The following PPARGC1A variants were observed in gnomAD, a reference collection of about 807,000 sequenced individuals.
The protein encoded by PPARGC1A is PPARG coactivator 1 alpha.
Under a neutral mutation model 88.7 loss-of-function variants are expected in PPARGC1A, and 25 were observed. The observed-to-expected ratio is 0.28, with a 90% CI of 0.21 to 0.39. The LOEUF (loss-of-function observed/expected upper bound fraction) is 0.39, where lower values mean the gene tolerates loss of function less well. PPARGC1A is among the 10% of genes least tolerant of loss of function. The probability of loss-of-function intolerance (pLI) is 1.00; values close to 1 mark genes in which losing one functional copy is unlikely to be tolerated. For missense variants in PPARGC1A, 880 were observed against 968.7 expected, an observed-to-expected ratio of 0.91 and a Z score of 1.22; for synonymous variants, 363 against 355.6, an observed-to-expected ratio of 1.02 and a Z score of -0.24.
At chr4:23,905,624 A>G (rs879884883), upstream of PPARGC1A, among the ~76,000 whole-genome samples, 2 of 152,238 alleles carry the variant, frequency 1.3e-5, no homozygotes, top group African/African-American at 2.4e-5. Context: ...GTGAATGTTT[A>G]CTGTATATCA....
the PPARGC1A span, among the ~76,000 whole-genome samples, chr4:23,925,687 T>C: frequency 6.6e-6 from 1 of 152,320 alleles, no homozygotes; most frequent in East Asian, 1.9e-4. Context: ...TTTATGAGTC[T>C]AGTTTTCATT....
the PPARGC1A span, among the ~76,000 whole-genome samples, chr4:23,991,509 G>A: frequency 6.6e-6 from 1 of 151,998 alleles, no homozygotes; most frequent in Admixed American, 6.6e-5. Flanking sequence ...TTTCCCTCTT[G>A]AAAGAGCTTC....
At chr4:24,443,378 G>A in the PPARGC1A span, among the ~76,000 whole-genome samples, 1 of 151,722 alleles carries the variant, frequency 6.6e-6, no homozygotes, top group Non-Finnish European at 1.5e-5. Flanking sequence ...CGTCACACCT[G>A]AACACCAGGA....
the PPARGC1A span, among the ~76,000 whole-genome samples, chr4:24,074,593 A>G: frequency 4.6e-5 from 7 of 152,186 alleles, no homozygotes; most frequent in East Asian, 3.9e-4. Flanking sequence ...TTTCCCTCAC[A>G]TGGTCCTTTT....
the PPARGC1A span, among the ~76,000 whole-genome samples, chr4:24,472,660 GGCTGCCGCC>G: frequency 6.6e-6 from 1 of 151,818 alleles, no homozygotes; most frequent in African/African-American, 2.4e-5. This position sits in a 1 kb window ranked among gnomAD's most constrained non-coding sequence, Gnocchi z 4.5. Flanking sequence ...GGGATGCTCG[GGCTGCCGCC>G]GCCGCCGCCG....
chr4:23,892,012 T>C (rs1717925155), upstream of PPARGC1A, among the ~76,000 whole-genome samples: 1 of 152,220 alleles, frequency 6.6e-6, no homozygotes, highest in Non-Finnish European at 1.5e-5. Context: ...TGTTTATTAA[T>C]TATTATCATG....
At chr4:24,458,478 G>C in the PPARGC1A span, among the ~76,000 whole-genome samples, 3 of 152,322 alleles carry the variant, frequency 2.0e-5, no homozygotes, top group Non-Finnish European at 4.4e-5. Context: ...TCCATCCTTT[G>C]TGAGAGAGCG....
chr4:23,906,043 C>T (rs1205490347), upstream of PPARGC1A, among the ~76,000 whole-genome samples: 1 of 152,178 alleles, frequency 6.6e-6, no homozygotes, highest in African/African-American at 2.4e-5. Context: ...CAACACATGG[C>T]ACCCTGCTCT....
At chr4:24,074,500 T>A in the PPARGC1A span, among the ~76,000 whole-genome samples, 1 of 152,176 alleles carries the variant, frequency 6.6e-6, no homozygotes, top group Non-Finnish European at 1.5e-5. Context: ...AATAAAATTA[T>A]ATAATGTAAG....
the PPARGC1A span, among the ~76,000 whole-genome samples, chr4:24,099,303 A>AAT: frequency 1.3e-5 from 2 of 151,552 alleles, no homozygotes; most frequent in Non-Finnish European, 2.9e-5. Flanking sequence ...AAAAAAAAAA[A>AAT]AAAAAAGACC....
intron 2 of PPARGC1A, among the ~76,000 whole-genome samples, chr4:23,832,884 A>T (rs1319501995): frequency 7.1e-6 from 1 of 140,778 alleles, no homozygotes; most frequent in Non-Finnish European, 1.6e-5. Context: ...TGCTGGGATT[A>T]CCGGCGTGAG....
At chr4:23,796,024 C>G in intron 12 of PPARGC1A, 99 bp from the exon 13 acceptor site, 1 of 814,102 alleles carries the variant, frequency 1.2e-6, no homozygotes, top group South Asian at 1.4e-5. Flanking sequence ...ACAACTCTTC[C>G]AATCAATATA....
chr4:23,813,635 ATTTTT>A, intron 8 of PPARGC1A, 50 bp downstream of exon 8: 4 of 1,407,142 alleles, frequency 2.8e-6, no homozygotes, highest in South Asian at 1.4e-5. Flanking sequence ...ATTTTATTTT[ATTTTT>A]TACTTCTTAG....
the PPARGC1A span, among the ~76,000 whole-genome samples, chr4:24,461,885 CTG>C: frequency 6.6e-6 from 1 of 152,122 alleles, no homozygotes; most frequent in Non-Finnish European, 1.5e-5. Context: ...TTGAAACTTT[CTG>C]TGATTTTTCC....
chr4:23,818,734 T>C (rs557548557), intron 7 of PPARGC1A, among the ~76,000 whole-genome samples: 1 of 152,034 alleles, frequency 6.6e-6, no homozygotes, highest in Non-Finnish European at 1.5e-5. Flanking sequence ...TGAAACGATT[T>C]TCTTGGAGGA....
the PPARGC1A span, among the ~76,000 whole-genome samples, chr4:23,973,970 A>G: frequency 2.0e-4 from 31 of 151,894 alleles, no homozygotes; most frequent in Non-Finnish European, 4.3e-4. Flanking sequence ...ATAAAAAATA[A>G]TTAAAAATAA....
chr4:23,962,443 T>TC, the PPARGC1A span, among the ~76,000 whole-genome samples: 1 of 152,102 alleles, frequency 6.6e-6, no homozygotes, highest in Non-Finnish European at 1.5e-5. Flanking sequence ...CACTTGCCTT[T>TC]CCTCTGCTCC....
chr4:24,436,212 A>C, the PPARGC1A span, among the ~76,000 whole-genome samples: 2 of 152,236 alleles, frequency 1.3e-5, no homozygotes, highest in African/African-American at 2.4e-5. Context: ...CAAAATCTCA[A>C]TAAGCAAGAT....
At chr4:24,376,386 G>A in the PPARGC1A span, among the ~76,000 whole-genome samples, 3 of 152,186 alleles carry the variant, frequency 2.0e-5, no homozygotes, top group African/African-American at 7.2e-5. Context: ...AGCCTGTCAC[G>A]TCAAGGACAA....
Sources: allele counts gnomAD v4.1 joint callset (sites outside exome capture counted in the v4.1 genomes callset), GRCh38; gene constraint gnomAD v4.1.1; non-coding constraint Gnocchi (gnomAD v3.1); transcripts MANE v1.5; gene names NCBI Gene and HGNC (gene_info 2026-07-23, HGNC 2026-07-21).